The following CACNA2D4 variants were observed in gnomAD, a reference collection of about 807,000 sequenced individuals.
CACNA2D4 encodes the protein calcium voltage-gated channel auxiliary subunit alpha2delta 4.
In CACNA2D4, 157 loss-of-function variants were observed where a neutral mutation model predicts 163.8. The observed-to-expected ratio is 0.96, with a 90% CI of 0.84 to 1.09. The LOEUF is 1.09. Among genes scored for constraint, CACNA2D4 ranks in the 50% least tolerant of loss-of-function variants. The pLI is 0.00. For missense variants in CACNA2D4, 1,410 were observed against 1,479.9 expected (o/e 0.95, Z 0.78); for synonymous variants, 598 against 586.9 (o/e 1.02, Z -0.27).
rs1369351764 is a variant in CACNA2D4 at position 1,828,326 on chromosome 12, A to G, written c.2551+12413T>C. The G allele has an allele frequency of 7.3e-6, 7 of 956,676 alleles. No homozygotes were observed. Among genetic ancestry groups the G allele is most frequent in the South Asian group, 1.9e-5 (1 of 52,206 alleles). 59.3% of individuals were successfully genotyped at this position (956,676 alleles called of 1,614,324 possible). On this transcript the variant is annotated intron_variant, in intron 26 of 37. Coordinates refer to ENST00000382722, the MANE Select transcript of CACNA2D4 (RefSeq NM_172364.5). The surrounding 1 kb of genome is among the most constrained non-coding windows in gnomAD (Gnocchi z 4.2). ...CCACACTCAGGCTGCAGGGAGGCCTACGCCAGATCTTCCTGGGGTACCCGA... is the reference window on the plus strand; with the variant it reads ...CCACACTCAGGCTGCAGGGAGGCCTGCGCCAGATCTTCCTGGGGTACCCGA...
rs180819841 is a variant in CACNA2D4, at chr12:1,917,001, C to A, written c.227+1246G>T. 2.6e-4 allele frequency among the ~76,000 whole-genome samples: 39 copies of A among 152,256 alleles called. No homozygotes were observed. Among genetic ancestry groups the A allele is most frequent in the Middle Eastern group, 3.4e-3 (1 of 294 alleles). On this transcript the variant is annotated intron_variant, in intron 1 of 37. Coordinates refer to ENST00000382722, the MANE Select transcript of CACNA2D4 (RefSeq NM_172364.5). The surrounding 1 kb of genome is among the most constrained non-coding windows in gnomAD (Gnocchi z 4.3). ...GCCCTCAGCCCACTCCTGGAGTTGG[C>A]CCTCTCCTATCAGCTGGTGTGTGTT...
At chr12:1,817,694 C>T (rs1007558144) in intron 26 of CACNA2D4, among the ~76,000 whole-genome samples, 9 of 152,100 alleles carry the variant, frequency 5.9e-5, no homozygotes, top group East Asian at 1.9e-4. Flanking sequence ...CTGTGTTGGC[C>T]GGGCTGGTCT....
rs1005121530 is a variant in CACNA2D4 at position 1,832,645 on chromosome 12, C to A, written c.2551+8094G>T. The stretch of plus-strand genomic sequence containing the variant: ...GTGTTAGTTAATTAAAAATGTTTTA[C>A]AAACTATAAAGTGCCACAAAATGTT... On this transcript the variant is annotated intron_variant, in intron 26 of 37. Transcript: ENST00000382722. 1.9e-4 allele frequency among the ~76,000 whole-genome samples: 29 copies of A among 152,164 alleles called. 1 individual carries two copies. Among genetic ancestry groups the A allele is most frequent in the Non-Finnish European group, 1.5e-5 (1 of 68,028 alleles).
intron 26 of CACNA2D4, among the ~76,000 whole-genome samples, chr12:1,840,239 T>C (rs963548308): frequency 2.0e-5 from 3 of 152,124 alleles, no homozygotes; most frequent in African/African-American, 4.8e-5. Context: ...ATTAGCTTTA[T>C]GATGATGACG....
rs140383252 is a variant in CACNA2D4 at position 1,903,102 on chromosome 12, C to T, written c.781+4338G>A. On this transcript the variant is annotated intron_variant, in intron 6 of 37. Transcript: ENST00000382722. ...TCATTTTCTACAAAGGTGCCAAGTACACACATTGGGGAGAGGACAGTCTCT... is the reference window on the plus strand; with the variant it reads ...TCATTTTCTACAAAGGTGCCAAGTATACACATTGGGGAGAGGACAGTCTCT... Among the ~76,000 whole-genome samples the T allele has an allele frequency of 1.1e-3, 160 of 152,156 alleles. 1 individual carries two copies. Among genetic ancestry groups the T allele is most frequent in the African/African-American group, 3.8e-3 (156 of 41,546 alleles).
chr12:1,851,642 GGT>G (rs1417182345), intron 23 of CACNA2D4, among the ~76,000 whole-genome samples: 1 of 56,224 alleles, frequency 1.8e-5, no homozygotes, highest in Non-Finnish European at 4.4e-5. Context: ...TGCTTTTTTT[GGT>G]GTGTGTTTGT....
rs1424378950 is a variant in CACNA2D4 at position 1,878,483 on chromosome 12, G to T, written c.1645-94C>A. On this transcript the variant is annotated intron_variant, in intron 15 of 37. Transcript: ENST00000382722. This position sits in a 1 kb window ranked among gnomAD's most constrained non-coding sequence, Gnocchi z 4.6. ...GTTTGGGGGCCACAGGACGGTCAAA[G>T]ATGGCAGCTCACAGCAGTGAGTGTT... is the stretch of plus-strand genomic sequence containing the variant. The T allele has an allele frequency of 6.5e-7, 1 of 1,548,890 alleles. No homozygotes were observed.
At chr12:1,901,414 T>C (rs1025383272) in intron 6 of CACNA2D4, among the ~76,000 whole-genome samples, 1 of 151,760 alleles carries the variant, frequency 6.6e-6, no homozygotes, top group Non-Finnish European at 1.5e-5. Context: ...AAGTTGGTTT[T>C]TAAAAAAGAT....
At chr12:1,860,412 G>C (rs1277748396) in intron 18 of CACNA2D4, among the ~76,000 whole-genome samples, 1 of 152,224 alleles carries the variant, frequency 6.6e-6, no homozygotes, top group Non-Finnish European at 1.5e-5. Context: ...AGCCCTTTGG[G>C]GCGTGGCCTG....
At chr12:1,907,338 C>T in intron 6 of CACNA2D4, 102 bp downstream of exon 6, 2 of 1,120,022 alleles carry the variant, frequency 1.8e-6, no homozygotes, top group Non-Finnish European at 2.6e-6. Context: ...AGGACCAGCC[C>T]CATTCACTGG....
At position 1,801,639 on chromosome 12, in the gene CACNA2D4, T is replaced by C; in HGVS notation, c.2727A>G (p.Gly909=). 1 of 1,583,610 alleles carries C rather than the reference T, an allele frequency of 6.3e-7. No homozygotes were observed. Among genetic ancestry groups the C allele is most frequent in the Non-Finnish European group, 8.6e-7 (1 of 1,163,752 alleles). Residue 909 remains glycine, a synonymous_variant, in exon 30 of 38, where the codon GGA becomes GGG. Coordinates refer to ENST00000382722, the MANE Select transcript of CACNA2D4 (RefSeq NM_172364.5). ...ILISKRSRET[G]RFLGEVDGAV... Reference sequence around the variant, plus strand: ...CACCATCCACCTCCCCCAGAAATCTTCCCGTCTGTGAGAGAGGGACAGCAG... The same window carrying C: ...CACCATCCACCTCCCCCAGAAATCTCCCCGTCTGTGAGAGAGGGACAGCAG...
intron 26 of CACNA2D4, among the ~76,000 whole-genome samples, chr12:1,826,406 C>CA (rs924965935): frequency 2.1e-4 from 12 of 57,006 alleles, no homozygotes; most frequent in South Asian, 7.9e-4. Context: ...CAGAGCCCCC[C>CA]CCCCCCCCCC....
chr12:1,877,152 T>A (rs1408541108), intron 16 of CACNA2D4, among the ~76,000 whole-genome samples: 2 of 152,240 alleles, frequency 1.3e-5, no homozygotes, highest in Non-Finnish European at 2.9e-5. Context: ...AGCCTCTGTT[T>A]ATAGCATTCT....
At chr12:1,801,353 G>T (rs547531702) in intron 30 of CACNA2D4, among the ~76,000 whole-genome samples, 44 of 152,336 alleles carry the variant, frequency 2.9e-4, no homozygotes, top group Non-Finnish European at 5.7e-4. Context: ...TTTCCCTCTA[G>T]GGTCTGAGCT....
intron 13 of CACNA2D4, among the ~76,000 whole-genome samples, chr12:1,881,958 G>C (rs1866010412): frequency 6.6e-6 from 1 of 152,236 alleles, no homozygotes; most frequent in Non-Finnish European, 1.5e-5. Flanking sequence ...TGCATTCCCA[G>C]CCTCCTTTGT....
rs575121425 is a variant in CACNA2D4, at chr12:1,907,526, G to A, written c.695C>T (p.Ala232Val). ...TCTCTGGAAGTTCTCCACGAAGACA[G>A]CATTCAAGGCTTCAGACATGTAGAC... ...NGVYMSEALN[A>V]VFVENFQRDP... The change falls in exon 6 of 38, where the codon GCT becomes GTT. Residue 232 changes from alanine to valine, a missense_variant. Ala to Val is a moderately conservative substitution (Grantham distance 64). Coordinates refer to ENST00000382722, the MANE Select transcript of CACNA2D4 (RefSeq NM_172364.5). 1 of 1,613,102 alleles carries A rather than the reference G, an allele frequency of 6.2e-7. No homozygotes were observed. Among genetic ancestry groups the A allele is most frequent in the East Asian group, 2.2e-5 (1 of 44,876 alleles).
intron 26 of CACNA2D4, chr12:1,821,936 A>C (rs1157208577): frequency 1.3e-5 from 2 of 151,944 alleles, no homozygotes; most frequent in Non-Finnish European, 2.9e-5. Flanking sequence ...CCTGCAGCTT[A>C]GATAACTGCC....
chr12:1,879,019 G>A lies in CACNA2D4; in HGVS notation c.1581C>T (p.Leu527=). ...KKNETRSHGI[L]LGVVGSDVAL... ...CCACATCTGAGCCCACCACACCCAG[G>A]AGAATGCCATGGGATCGCTGGAAGG... is the stretch of plus-strand genomic sequence containing the variant. The change falls in exon 15 of 38, where the codon CTC becomes CTT. Residue 527 remains leucine, a synonymous_variant. Transcript: ENST00000382722. 7 of 1,613,878 alleles carry A rather than the reference G, an allele frequency of 4.3e-6. No homozygotes were observed. Among genetic ancestry groups the A allele is most frequent in the Non-Finnish European group, 5.9e-6 (7 of 1,179,856 alleles).
intron 6 of CACNA2D4, among the ~76,000 whole-genome samples, chr12:1,896,091 A>G (rs948884502): frequency 1.3e-5 from 2 of 152,242 alleles, no homozygotes; most frequent in African/African-American, 4.8e-5. Context: ...TCAACTCAAA[A>G]TGGATTAAAG....
Sources: allele counts gnomAD v4.1 joint callset (sites outside exome capture counted in the v4.1 genomes callset), GRCh38; gene constraint gnomAD v4.1.1; non-coding constraint Gnocchi (gnomAD v3.1); transcripts MANE v1.5; gene names NCBI Gene and HGNC (gene_info 2026-07-23, HGNC 2026-07-21).